Variants in GRID1 observed in about 807,000 individuals in gnomAD.
The protein encoded by GRID1 is glutamate ionotropic receptor delta type subunit 1.
A neutral mutation model predicts 98.0 loss-of-function variants in GRID1; 28 were observed. That is an observed-to-expected ratio of 0.29 (90% CI 0.21 to 0.39). The LOEUF (loss-of-function observed/expected upper bound fraction) is 0.39. GRID1 is among the 10% of genes least tolerant of loss of function. GRID1 has a pLI of 1.00. For synonymous variants in GRID1, 553 were observed against 538.5 expected (o/e 1.03, Z -0.37); for missense variants, 1,111 against 1,340.5 (o/e 0.83, Z 2.67).
At chr10:85,815,595 G>A (rs1182898902) in intron 8 of GRID1, among the ~76,000 whole-genome samples, 1 of 151,936 alleles carries the variant, frequency 6.6e-6, no homozygotes, top group African/African-American at 2.4e-5. Flanking sequence ...TTGGACCACA[G>A]ACTTAAATGT....
chr10:86,214,575 A>G (rs1340258077), intron 2 of GRID1, among the ~76,000 whole-genome samples: 1 of 152,214 alleles, frequency 6.6e-6, no homozygotes, highest in Admixed American at 6.5e-5. Context: ...ACAGCAGAGC[A>G]AGAAACTATG....
chr10:86,155,153 T>C (rs1845226787), intron 3 of GRID1, among the ~76,000 whole-genome samples: 1 of 152,242 alleles, frequency 6.6e-6, no homozygotes, highest in Non-Finnish European at 1.5e-5. Flanking sequence ...ATCCACACTC[T>C]GCCAGATGCC....
Position 86,206,685 on chromosome 10 carries a change from T to C in GRID1, c.236-37A>G, listed in dbSNP as rs1274690708. The C allele has an allele frequency of 1.3e-6, 2 of 1,581,576 alleles. No individual in the cohort carries two copies. The highest frequency in any genetic ancestry group is 2.7e-5 in the African/African-American group (2 of 74,466). On this transcript the variant is annotated intron_variant, in intron 2 of 15. Transcript: ENST00000327946. The surrounding 1 kb of genome is among the most constrained non-coding windows in gnomAD (Gnocchi z 4.1). ...GAAGAGAGAGAGGAAGGGGTCAGCA[T>C]CAGGGCGATGCTGCACCAGCTTCAA... is the stretch of plus-strand genomic sequence containing the variant.
chr10:85,807,695 C>T (rs184800571), intron 8 of GRID1, among the ~76,000 whole-genome samples: 265 of 151,836 alleles, frequency 1.7e-3, no homozygotes, highest in African/African-American at 6.1e-3. Flanking sequence ...TACATTCTCT[C>T]GAGTGGCATA....
intron 3 of GRID1, among the ~76,000 whole-genome samples, chr10:86,159,967 C>T (rs1290604814): frequency 6.6e-6 from 1 of 152,168 alleles, no homozygotes; most frequent in Non-Finnish European, 1.5e-5. Flanking sequence ...CCATCACCTT[C>T]ATCATCACCA....
chr10:85,859,159 T>C (rs1395763010), intron 6 of GRID1, among the ~76,000 whole-genome samples: 1 of 152,248 alleles, frequency 6.6e-6, no homozygotes, highest in African/African-American at 2.4e-5. Context: ...TGAATGTGTT[T>C]ATCTCAGCAA....
At chr10:86,008,962 C>A (rs1426430482) in intron 4 of GRID1, among the ~76,000 whole-genome samples, 1 of 152,136 alleles carries the variant, frequency 6.6e-6, no homozygotes, top group African/African-American at 2.4e-5. Flanking sequence ...GATATCATGT[C>A]TAATGCCTAT....
intron 13 of GRID1, among the ~76,000 whole-genome samples, chr10:85,623,807 A>C (rs1310735498): frequency 6.6e-6 from 1 of 152,128 alleles, no homozygotes. Context: ...ATTAGGAAGC[A>C]TTTGTCATTT....
intron 8 of GRID1, among the ~76,000 whole-genome samples, chr10:85,777,508 T>G (rs1397501233): frequency 1.3e-5 from 2 of 152,238 alleles, no homozygotes; most frequent in African/African-American, 4.8e-5. Context: ...TTTAAGAGCT[T>G]CCAGGTGATT....
chr10:85,679,565 C>T (rs1841183681), intron 12 of GRID1, among the ~76,000 whole-genome samples: 1 of 152,070 alleles, frequency 6.6e-6, no homozygotes, highest in African/African-American at 2.4e-5. Flanking sequence ...ATATCAATGC[C>T]CTGGAGAAGC....
At chr10:85,695,730 C>T (rs908958525) in intron 12 of GRID1, among the ~76,000 whole-genome samples, 2 of 152,042 alleles carry the variant, frequency 1.3e-5, no homozygotes, top group Admixed American at 1.3e-4. Flanking sequence ...AACAATTGTC[C>T]TCAATCTAAA....
intron 5 of GRID1, among the ~76,000 whole-genome samples, chr10:85,869,416 T>G (rs1022880100): frequency 3.3e-5 from 5 of 152,232 alleles, no homozygotes; most frequent in Non-Finnish European, 7.3e-5. Context: ...CGTTTGAGAC[T>G]AAACCACTGG....
chr10:86,227,792 AT>A (rs1219422362), intron 2 of GRID1, among the ~76,000 whole-genome samples: 5 of 152,116 alleles, frequency 3.3e-5, no homozygotes, highest in African/African-American at 7.2e-5. Context: ...TGGGTGCTCC[AT>A]GCACCGTTCC....
intron 8 of GRID1, among the ~76,000 whole-genome samples, chr10:85,754,847 G>A (rs529655501): frequency 6.6e-6 from 1 of 152,224 alleles, no homozygotes; most frequent in South Asian, 2.1e-4. Flanking sequence ...ACAAAATAAT[G>A]GAATTAATGC....
At chr10:85,926,827 G>C (rs1012274129) in intron 4 of GRID1, among the ~76,000 whole-genome samples, 8 of 152,186 alleles carry the variant, frequency 5.3e-5, no homozygotes, top group African/African-American at 1.7e-4. Context: ...GTGAGGATTT[G>C]AATCTAAAGT....
chr10:86,280,689 G>A (rs553005149), intron 2 of GRID1, among the ~76,000 whole-genome samples: 1 of 152,142 alleles, frequency 6.6e-6, no homozygotes, highest in South Asian at 2.1e-4. Context: ...CCATGACCTG[G>A]CCCCCTACCT....
chr10:85,995,345 T>C (rs1042555308), intron 4 of GRID1, among the ~76,000 whole-genome samples: 2 of 152,214 alleles, frequency 1.3e-5, no homozygotes, highest in African/African-American at 4.8e-5. Context: ...GCCGGATGCC[T>C]CTGCTCCCAA....
chr10:85,706,341 A>G (rs926192007), intron 12 of GRID1, among the ~76,000 whole-genome samples: 111 of 152,358 alleles, frequency 7.3e-4, no homozygotes, highest in Non-Finnish European at 1.3e-3. Flanking sequence ...GAGCCAAATC[A>G]TGAGTGAACT....
intron 8 of GRID1, among the ~76,000 whole-genome samples, chr10:85,759,503 T>C (rs1188835841): frequency 2.6e-5 from 4 of 152,222 alleles, no homozygotes; most frequent in African/African-American, 4.8e-5. Flanking sequence ...TTGGAATATA[T>C]CTCTCTGACT....
Sources: gnomAD v4.1 joint callset for allele counts (sites outside exome capture counted in the v4.1 genomes callset) on GRCh38, gnomAD v4.1.1 for gene constraint, Gnocchi (gnomAD v3.1) non-coding constraint, MANE v1.5 for transcripts, NCBI Gene and HGNC (gene_info 2026-07-23, HGNC 2026-07-21) for gene names.